The following FHAD1 variants were observed in gnomAD, a reference collection of about 807,000 sequenced individuals.
FHAD1 encodes forkhead associated phosphopeptide binding domain 1.
A neutral mutation model predicts 191.3 loss-of-function variants in FHAD1; 146 were observed. That is an observed-to-expected ratio of 0.76 (90% confidence interval 0.67 to 0.88). The LOEUF is 0.88. Among genes scored for constraint, FHAD1 ranks in the 40% least tolerant of loss-of-function variants. The pLI, the probability that FHAD1 is intolerant of heterozygous loss-of-function variation, is 0.00. For synonymous variants in FHAD1, 616 were observed against 672.3 expected (o/e 0.92, Z 1.29); for missense variants, 1,635 against 1,785.8 (o/e 0.92, Z 1.52).
chr1:15,345,289 G>A, intron 17 of FHAD1, 99 bp downstream of exon 17: 1 of 1,353,728 alleles, frequency 7.4e-7, no homozygotes. Context: ...TGAGCTCCAG[G>A]GCTGTGCTGT....
Position 15,367,617 on chromosome 1 carries a change from A to G in FHAD1, c.3309A>G (p.Ala1103=). The change falls in exon 25 of 34, where the codon GCA becomes GCG. Residue 1103 remains alanine (A), a synonymous_variant. Coordinates refer to ENST00000688493, the MANE Select transcript of FHAD1 (RefSeq NM_001391957.1). ...GGGAGCTGAAGGCCCTTGAGGAGGC[A>G]CTCAGGTTGGGTGGGCGGGGGCCGG... ...KDRELKALEE[A]LRASQEKHRL... is the part of the protein sequence containing the mutation. The G allele has an allele frequency of 1.1e-6, 1 of 894,452 alleles. No homozygotes were observed. Among genetic ancestry groups the G allele is most frequent in the South Asian group, 1.4e-5 (1 of 69,944 alleles). The allele number at this position is 894,452 out of a possible 1,614,324, so 55.4% of individuals were successfully genotyped here. A position where few individuals can be genotyped will look rare whatever the true frequency, so the allele number is the denominator to read the frequency against.
At chr1:15,358,366 G>T in intron 21 of FHAD1, 83 bp downstream of exon 21, 3 of 1,370,982 alleles carry the variant, frequency 2.2e-6, no homozygotes, top group South Asian at 2.8e-5. Context: ...GTTTAGACCG[G>T]GGCTTCTCAG....
chr1:15,243,081 C>A (rs114187900), upstream of FHAD1, among the ~76,000 whole-genome samples: 204 of 152,298 alleles, frequency 1.3e-3, no homozygotes, highest in African/African-American at 4.7e-3. Flanking sequence ...CCAAGGGGAA[C>A]TGACTTTGAA....
chr1:15,361,516 C>T (rs1694801722), intron 22 of FHAD1, among the ~76,000 whole-genome samples: 1 of 152,158 alleles, frequency 6.6e-6, no homozygotes, highest in South Asian at 2.1e-4. Context: ...TCACTCAGCT[C>T]TCTCGGTGGA....
intron 3 of FHAD1, among the ~76,000 whole-genome samples, chr1:15,286,542 C>T (rs1007454877): frequency 2.0e-5 from 3 of 152,174 alleles, no homozygotes; most frequent in Admixed American, 1.3e-4. Flanking sequence ...CCTCTCTCCA[C>T]GTCTGGGCTG....
At chr1:15,355,582 A>G (rs1320515623) in intron 20 of FHAD1, among the ~76,000 whole-genome samples, 1 of 152,214 alleles carries the variant, frequency 6.6e-6, no homozygotes, top group Non-Finnish European at 1.5e-5. Flanking sequence ...GCAGCTTCAC[A>G]GCTCTTCAAA....
At chr1:15,363,827 G>A (rs749209583) in intron 23 of FHAD1, 14 of 454,930 alleles carry the variant, frequency 3.1e-5, no homozygotes, top group South Asian at 6.2e-5. Context: ...AAAGCAGCAC[G>A]TAAAGAAGGA....
At chr1:15,315,265 A>C (rs1024751013) in intron 8 of FHAD1, 2 of 152,192 alleles carry the variant, frequency 1.3e-5, no homozygotes, top group African/African-American at 4.8e-5. Context: ...ACTTGAGTGC[A>C]TATTCCTTCT....
At chr1:15,396,537 G>A (rs952909774) in intron 33 of FHAD1, among the ~76,000 whole-genome samples, 2 of 152,118 alleles carry the variant, frequency 1.3e-5, no homozygotes, top group African/African-American at 4.8e-5. Context: ...AGCCGGGTGT[G>A]GTGGCTTATG....
Position 15,378,936 on chromosome 1 carries a change from T to A in FHAD1, c.3706-1765T>A, listed in dbSNP as rs2473364. ...TGGCCTGGTGGCTTTTCTATGCCTT[T>A]GGCTGGGGCTTTCAGCAAGCAGCCG... On this transcript the variant is annotated intron_variant, in intron 28 of 33. Coordinates refer to ENST00000688493, the MANE Select transcript of FHAD1 (RefSeq NM_001391957.1). Among the ~76,000 whole-genome samples the A allele has an allele frequency of 2.1e-3, 319 of 152,278 alleles. 1 individual carries two copies. Among genetic ancestry groups the A allele is most frequent in the African/African-American group, 7.2e-3 (299 of 41,570 alleles).
At chr1:15,330,778 C>T (rs1680958215) in intron 14 of FHAD1, among the ~76,000 whole-genome samples, 1 of 152,092 alleles carries the variant, frequency 6.6e-6, no homozygotes, top group Admixed American at 6.5e-5. Flanking sequence ...TGTGGGGTCT[C>T]GCAGGGCCCT....
Position 15,327,025 on chromosome 1 carries a change from A to G in FHAD1, c.1474-34A>G. ...TGCCCCCACTTGCCGGCCCCTGCTGACCCCCTGACACTGTTGCCCCCTCTC... is the reference window on the plus strand; with the variant it reads ...TGCCCCCACTTGCCGGCCCCTGCTGGCCCCCTGACACTGTTGCCCCCTCTC... On this transcript the variant is annotated intron_variant, in intron 11 of 33. Transcript: ENST00000688493. The surrounding 1 kb of genome is among the most constrained non-coding windows in gnomAD (Gnocchi z 5.1). The G allele has an allele frequency of 7.1e-7, 1 of 1,400,216 alleles. No homozygotes were observed. Among genetic ancestry groups the G allele is most frequent in the South Asian group, 1.3e-5 (1 of 79,768 alleles). The allele number at this position is 1,400,216 out of a possible 1,614,324, so 86.7% of individuals were successfully genotyped here.
chr1:15,378,510 C>T (rs1252637891), intron 28 of FHAD1, among the ~76,000 whole-genome samples: 2 of 152,118 alleles, frequency 1.3e-5, no homozygotes, highest in African/African-American at 4.8e-5. Context: ...CTGCAAGCTG[C>T]AGGAAAAGAG....
upstream of FHAD1, among the ~76,000 whole-genome samples, chr1:15,245,807 A>G (rs1645952390): frequency 6.6e-6 from 1 of 152,206 alleles, no homozygotes; most frequent in Non-Finnish European, 1.5e-5. Flanking sequence ...TTCCTGGATT[A>G]TGTCCCAGGC....
rs1701007332 is a variant in FHAD1 at position 15,381,925 on chromosome 1, G to A, written c.4023-103G>A. 2 of 1,272,406 alleles carry A rather than the reference G, an allele frequency of 1.6e-6. No individual in the cohort carries two copies. The highest frequency in any genetic ancestry group is 2.6e-5 in the East Asian group (1 of 39,146). 78.8% of individuals were successfully genotyped at this position (1,272,406 alleles called of 1,614,324 possible). ...TGCTTGTGATGACACTCCTGAGTGA[G>A]CCCCCACTGTGGATGTATTTTGAGA... On this transcript the variant is annotated intron_variant, in intron 30 of 33. Coordinates refer to ENST00000688493, the MANE Select transcript of FHAD1 (RefSeq NM_001391957.1). This position sits in a 1 kb window ranked among gnomAD's most constrained non-coding sequence, Gnocchi z 4.6.
upstream of FHAD1, among the ~76,000 whole-genome samples, chr1:15,245,534 C>T (rs1645916107): frequency 6.6e-6 from 1 of 152,176 alleles, no homozygotes; most frequent in Admixed American, 6.5e-5. Context: ...GAGGAATGGG[C>T]AAGAGCAAAG....
intron 2 of FHAD1, among the ~76,000 whole-genome samples, chr1:15,254,718 C>T (rs868812460): frequency 9.2e-5 from 14 of 152,180 alleles, no homozygotes; most frequent in African/African-American, 3.4e-4. Flanking sequence ...TTTCCAGAAG[C>T]ATGAGCTTAC....
intron 1 of FHAD1, among the ~76,000 whole-genome samples, chr1:15,240,743 G>T (rs1054929504): frequency 6.6e-6 from 1 of 151,702 alleles, no homozygotes; most frequent in Non-Finnish European, 1.5e-5. Context: ...TGGATCACAA[G>T]GTCAGGAGTT....
chr1:15,283,624 T>G (rs1019061690), intron 3 of FHAD1, among the ~76,000 whole-genome samples: 4 of 152,224 alleles, frequency 2.6e-5, no homozygotes, highest in African/African-American at 9.6e-5. Context: ...TCGGCTCTCA[T>G]GAGCCAGCAC....
Sources: allele counts gnomAD v4.1 joint callset (sites outside exome capture counted in the v4.1 genomes callset), GRCh38; gene constraint gnomAD v4.1.1; non-coding constraint Gnocchi (gnomAD v3.1); transcripts MANE v1.5; gene names NCBI Gene and HGNC (gene_info 2026-07-23, HGNC 2026-07-21).